Variants in TATDN2 observed in about 807,000 individuals in gnomAD.
TATDN2 encodes the protein 3'-5' RNA nuclease TATDN2.
In TATDN2, 44 loss-of-function variants were observed where a neutral mutation model predicts 60.3. The observed-to-expected ratio is 0.73, with a 90% CI of 0.57 to 0.94. TATDN2 has a LOEUF of 0.94. Among genes scored for constraint, TATDN2 ranks in the 40% least tolerant of loss-of-function variants. The pLI, the probability that TATDN2 is intolerant of heterozygous loss-of-function variation, is 0.00. For synonymous variants in TATDN2, 399 were observed against 355.8 expected (o/e 1.12, Z -1.37); for missense variants, 997 against 948.0 (o/e 1.05, Z -0.68).
chr3:10,263,306 C>A (rs943572903), intron 3 of TATDN2, among the ~76,000 whole-genome samples: 1 of 151,972 alleles, frequency 6.6e-6, no homozygotes, highest in South Asian at 2.1e-4. Flanking sequence ...ATGGGACATT[C>A]CCTTTCAATC....
In TATDN2 at chr3:10,280,964, C is replaced by T. The variant is rs1008244868; in HGVS notation, c.*1782C>T. 1.4e-4 allele frequency: 21 copies of T among 152,404 alleles called. No homozygotes were observed. The highest frequency in any genetic ancestry group is 5.1e-4 in the African/African-American group (21 of 41,576). 9.4% of individuals were successfully genotyped at this position (152,404 alleles called of 1,614,324 possible). A position where few individuals can be genotyped will look rare whatever the true frequency, so the allele number is the denominator to read the frequency against. ...AAAAGCGGAGATGACATGGAAGTCT[C>T]CAAGCCTGTGCCATCCACCTGCCAA... On this transcript the variant is annotated 3_prime_UTR_variant, in exon 8 of 8. Transcript: ENST00000448281.
chr3:10,260,024 C>T, intron 2 of TATDN2, 113 bp from the exon 3 acceptor site: 1 of 1,270,126 alleles, frequency 7.9e-7, no homozygotes, highest in Non-Finnish European at 1.1e-6. Context: ...GCCTTAGCCA[C>T]AGTCACTTTC....
intron 7 of TATDN2, 40 bp from the exon 8 acceptor site, chr3:10,279,181 A>G (rs2075355): frequency 0.66 from 673,151 of 1,024,882 alleles, 222,627 homozygotes; most frequent in Admixed American, 0.75. Context: ...TTTGAGTGAC[A>G]TGGTTTGGAA....
chr3:10,272,319 G>A (rs1280815423), intron 4 of TATDN2, among the ~76,000 whole-genome samples: 1 of 151,950 alleles, frequency 6.6e-6, no homozygotes, highest in African/African-American at 2.4e-5. Context: ...TGTCACCCAG[G>A]CTGGAGGGCA....
intron 3 of TATDN2, among the ~76,000 whole-genome samples, chr3:10,268,382 A>G (rs555105637): frequency 6.6e-5 from 10 of 152,362 alleles, no homozygotes; most frequent in African/African-American, 2.4e-4. Flanking sequence ...ATGCTCTTTC[A>G]TTGTGAATGT....
At chr3:10,279,199 CT>C in intron 7 of TATDN2, 21 bp from the exon 8 acceptor site, 1 of 888,848 alleles carries the variant, frequency 1.1e-6, no homozygotes, top group Non-Finnish European at 1.7e-6. Flanking sequence ...GAACCTTCTT[CT>C]TTTTCTCTTC....
intron 4 of TATDN2, among the ~76,000 whole-genome samples, chr3:10,276,044 G>A (rs895796606): frequency 6.6e-6 from 1 of 152,204 alleles, no homozygotes; most frequent in Admixed American, 6.5e-5. Context: ...AGTGGTTACT[G>A]TGTGGAATGC....
chr3:10,266,841 G>A (rs1642975), intron 3 of TATDN2, among the ~76,000 whole-genome samples: 49,223 of 151,796 alleles, frequency 0.32, 8,349 homozygotes, highest in East Asian at 0.58. Context: ...GAATTCATAC[G>A]TGATTACTCT....
intron 3 of TATDN2, among the ~76,000 whole-genome samples, chr3:10,265,558 T>A (rs1256453328): frequency 1.3e-5 from 2 of 150,986 alleles, no homozygotes; most frequent in East Asian, 4.0e-4. Context: ...GGCGTGCACC[T>A]GTAGTCCCAG....
Position 10,279,050 on chromosome 3 carries a change from G to A in TATDN2, c.*25G>A. 6.2e-7 allele frequency: 1 copy of A among 1,608,480 alleles called. No homozygotes were observed. The highest frequency in any genetic ancestry group is 1.1e-5 in the South Asian group (1 of 90,146). On this transcript the variant is annotated 3_prime_UTR_variant, in exon 7 of 8. Transcript: ENST00000448281. ...AGCAGAGAAGGTACAGTCCTCGGGA[G>A]TCTCCTAGAAAAGGTCGTAAAACTC...
chr3:10,279,063 G>T lies in TATDN2; in HGVS notation c.*38G>T. Reference sequence around the variant, plus strand: ...CAGTCCTCGGGAGTCTCCTAGAAAAGGTCGTAAAACTCACATTCTGTATTT... The same window carrying T: ...CAGTCCTCGGGAGTCTCCTAGAAAATGTCGTAAAACTCACATTCTGTATTT... On this transcript the variant is annotated splice_region_variant and 3_prime_UTR_variant, in exon 7 of 8. Transcript: ENST00000448281. The T allele has an allele frequency of 6.3e-7, 1 of 1,595,758 alleles. No individual in the cohort carries two copies.
At chr3:10,272,829 GTTGGAGACCAGCC>G (rs1698585815) in intron 4 of TATDN2, among the ~76,000 whole-genome samples, 1 of 151,174 alleles carries the variant, frequency 6.6e-6, no homozygotes, top group South Asian at 2.1e-4. Context: ...GAGGCCAGGA[GTTGGAGACCAGCC>G]TGGCCAACAT....
chr3:10,269,113 TCAGC>T (rs1031401461), intron 3 of TATDN2, among the ~76,000 whole-genome samples: 1 of 152,088 alleles, frequency 6.6e-6, no homozygotes, highest in African/African-American at 2.4e-5. Flanking sequence ...ATGTTGGCTG[TCAGC>T]CAGTAAGTCA....
At chr3:10,273,599 A>T (rs572923665) in intron 4 of TATDN2, among the ~76,000 whole-genome samples, 25 of 27,606 alleles carry the variant, frequency 9.1e-4, no homozygotes, top group African/African-American at 4.5e-3. Flanking sequence ...TTATTACATT[A>T]AAAAAAAAAA....
intron 2 of TATDN2, among the ~76,000 whole-genome samples, chr3:10,256,323 G>A (rs1698307826): frequency 1.3e-5 from 2 of 152,102 alleles, no homozygotes; most frequent in South Asian, 4.2e-4. Context: ...ACAGGTGTGG[G>A]TCACTGCACC....
chr3:10,249,469 G>T lies in TATDN2; in HGVS notation c.269G>T (p.Gly90Val). 2 of 1,613,898 alleles carry T rather than the reference G, an allele frequency of 1.2e-6. No homozygotes were observed. Among genetic ancestry groups the T allele is most frequent in the Non-Finnish European group, 1.7e-6 (2 of 1,180,000 alleles). Residue 90 changes from glycine (G) to valine (V), a missense_variant, in exon 2 of 8, where the codon GGC becomes GTC. By Grantham distance (109) the Gly-to-Val change is moderately radical. Transcript: ENST00000448281. ...SSSSFSPHFL[G>V]PGVGGAASKG... ...TCCTCCTTCTCCCCACATTTCTTGG[G>T]CCCTGGTGTGGGCGGGGCCGCCTCC...
chr3:10,249,262 G>T lies in TATDN2; in HGVS notation c.62G>T (p.Arg21Leu). Reference sequence around the variant, plus strand: ...AGCAGCACGTCGGAAGGGTGTCCCCGCAAGCGCAGCTGCCTCCGGGAGCCC... The same window carrying T: ...AGCAGCACGTCGGAAGGGTGTCCCCTCAAGCGCAGCTGCCTCCGGGAGCCC... ...NWSSTSEGCP[R>L]KRSCLREPCD... The change falls in exon 2 of 8, where the codon CGC (arginine) becomes CTC (leucine). Residue 21 changes from arginine to leucine, a missense_variant. Arg to Leu is a moderately radical substitution (Grantham distance 102). Coordinates refer to ENST00000448281, the MANE Select transcript of TATDN2 (RefSeq NM_014760.4). 1.9e-6 allele frequency: 3 copies of T among 1,574,466 alleles called. No individual in the cohort carries two copies. The highest frequency in any genetic ancestry group is 2.6e-6 in the Non-Finnish European group (3 of 1,159,056).
chr3:10,266,387 A>C (rs74821474), intron 3 of TATDN2, among the ~76,000 whole-genome samples: 4 of 152,304 alleles, frequency 2.6e-5, no homozygotes, highest in Non-Finnish European at 4.4e-5. Context: ...CTGGACGACA[A>C]TTAGGTTTTC....
chr3:10,263,352 G>A (rs930808028), intron 3 of TATDN2, among the ~76,000 whole-genome samples: 2 of 152,094 alleles, frequency 1.3e-5, no homozygotes, highest in African/African-American at 4.8e-5. Context: ...GGAAAAGTTC[G>A]TGAATTACTG....
Sources: allele counts gnomAD v4.1 joint callset (sites outside exome capture counted in the v4.1 genomes callset), GRCh38; gene constraint gnomAD v4.1.1; transcripts MANE v1.5; gene names NCBI Gene and HGNC (gene_info 2026-07-23, HGNC 2026-07-21).